Variants in CHI3L2 observed in about 807,000 individuals in gnomAD.
CHI3L2 encodes chitinase 3 like 2, also known as chitinase-3-like protein 2.
Under a neutral mutation model 47.3 loss-of-function variants are expected in CHI3L2, and 47 were observed. The ratio of observed to expected loss-of-function variants is 0.99; its 90% CI spans 0.79 to 1.27. CHI3L2 has a LOEUF of 1.27. Among genes scored for constraint, CHI3L2 ranks in the 50% most tolerant of loss-of-function variants. The probability of loss-of-function intolerance (pLI) is 0.00; values close to 1 mark genes in which losing one functional copy is unlikely to be tolerated. For missense variants in CHI3L2, 497 were observed against 462.1 expected (o/e 1.08, Z -0.69); for synonymous variants, 198 against 169.9 (o/e 1.17, Z -1.28).
In CHI3L2 at chr1:111,242,331, C is replaced by G. The variant is rs768426646; in HGVS notation, c.1140C>G (p.Val380=). ...GCAACCAGGGCCCTTACCCTCTTGT[C>G]CAAGCAGTCAAGAGAAGCCTTGGCT... ...KSCNQGPYPL[V]QAVKRSLGSL is the part of the protein sequence containing the mutation. Residue 380 remains valine, a synonymous_variant, in exon 10 of 11, where the codon GTC becomes GTG. Coordinates refer to ENST00000369748, the MANE Select transcript of CHI3L2 (RefSeq NM_004000.3). The G allele has an allele frequency of 1.2e-6, 2 of 1,612,900 alleles. No individual in the cohort carries two copies. The highest frequency in any genetic ancestry group is 1.7e-6 in the Non-Finnish European group (2 of 1,179,440).
In CHI3L2 at chr1:111,229,852, G is replaced by T; in HGVS notation, c.41G>T (p.Gly14Val). 1.2e-6 allele frequency: 2 copies of T among 1,613,918 alleles called. No individual in the cohort carries two copies. The highest frequency in any genetic ancestry group is 2.2e-5 in the East Asian group (1 of 44,870). The part of the protein sequence containing the change: ...TTMDQKSLWA[G>V]VVVLLLLQGG... ...TTCTCTTTCCACCCATCTATTGCAG[G>T]TGTAGTGGTCTTGCTGCTTCTCCAG... is the stretch of plus-strand genomic sequence containing the variant. Residue 14 changes from glycine to valine, a missense_variant and splice_region_variant, in exon 2 of 11, where the codon GGT (glycine) becomes GTT (valine). Transcript: ENST00000369748.
In CHI3L2 at chr1:111,230,754, A is replaced by C. The variant is rs771989912; in HGVS notation, c.83A>C (p.Lys28Thr). 1 of 1,613,980 alleles carries C rather than the reference A, an allele frequency of 6.2e-7. No individual in the cohort carries two copies. The highest frequency in any genetic ancestry group is 1.3e-5 in the African/African-American group (1 of 74,892). The change falls in exon 3 of 11, where the codon AAA becomes ACA. Residue 28 changes from lysine to threonine, a missense_variant. Physicochemically the swap from Lys to Thr is moderately conservative, Grantham distance 78. Transcript: ENST00000369748. Reference protein sequence around the residue: ...LLLLQGGSAYKLVCYFTNWSQ... With the variant: ...LLLLQGGSAYTLVCYFTNWSQ... ...CACTCTACTCCAGGATCTGCCTACA[A>C]ACTGGTTTGCTACTTTACCAACTGG...
intron 8 of CHI3L2, 67 bp downstream of exon 8, chr1:111,238,999 G>T: frequency 6.9e-7 from 1 of 1,446,386 alleles, no homozygotes; most frequent in South Asian, 1.4e-5. Context: ...TCTTCAATTT[G>T]ACAGCAGAGT....
chr1:111,235,367 C>A (rs559211495), intron 5 of CHI3L2, among the ~76,000 whole-genome samples: 1 of 152,204 alleles, frequency 6.6e-6, no homozygotes, highest in East Asian at 1.9e-4. Context: ...ACTGAGGTGG[C>A]CTCACAGAAG....
intron 5 of CHI3L2, 131 bp from the exon 6 acceptor site, chr1:111,235,508 T>G: frequency 9.7e-7 from 1 of 1,025,888 alleles, no homozygotes; most frequent in South Asian, 1.6e-5. Context: ...CATCCCCATG[T>G]GGGGTGGGGA....
In CHI3L2 at chr1:111,241,390, G is replaced by C; in HGVS notation, c.982G>C (p.Val328Leu). 1 of 1,610,714 alleles carries C rather than the reference G, an allele frequency of 6.2e-7. No homozygotes were observed. The highest frequency in any genetic ancestry group is 8.5e-7 in the Non-Finnish European group (1 of 1,176,832). The change falls in exon 9 of 11, where the codon GTC becomes CTC. Residue 328 changes from valine (V) to leucine (L), a missense_variant. Transcript: ENST00000369748. Reference protein sequence around the residue: ...RLQDQQVPYAVKGNQWVGYDD... With the variant: ...RLQDQQVPYALKGNQWVGYDD... ...CCAGGATCAGCAGGTTCCCTACGCAGTCAAGGGGAACCAGTGGGTGGGCTA... is the reference window on the plus strand; with the variant it reads ...CCAGGATCAGCAGGTTCCCTACGCACTCAAGGGGAACCAGTGGGTGGGCTA...
intron 10 of CHI3L2, 87 bp downstream of exon 10, chr1:111,242,453 T>C: frequency 7.1e-7 from 1 of 1,404,788 alleles, no homozygotes; most frequent in Non-Finnish European, 9.6e-7. Context: ...TTCACATATT[T>C]GGACTAATCC....
At position 111,235,055 on chromosome 1, in the gene CHI3L2, C is replaced by T. The variant is rs183515846; in HGVS notation, c.478C>T (p.His160Tyr). Residue 160 changes from histidine to tyrosine, a missense_variant and splice_region_variant, in exon 5 of 11, where the codon CAT becomes TAT. Transcript: ENST00000369748. ...KENTHFTVLI[H>Y]ELAEAFQKDF... ...AAACACTCATTTCACTGTGCTGATTCATGTAAGTCATGAATCAAGTAATTC... is the reference window on the plus strand; with the variant it reads ...AAACACTCATTTCACTGTGCTGATTTATGTAAGTCATGAATCAAGTAATTC... The T allele has an allele frequency of 6.2e-7, 1 of 1,613,520 alleles. No individual in the cohort carries two copies. The highest frequency in any genetic ancestry group is 1.7e-5 in the Admixed American group (1 of 60,022).
Position 111,229,849 on chromosome 1 carries a change from C to T in CHI3L2, c.41-3C>T, listed in dbSNP as rs1659659197. 1.2e-6 allele frequency: 2 copies of T among 1,613,956 alleles called. No individual in the cohort carries two copies. Among genetic ancestry groups the T allele is most frequent in the Admixed American group, 3.3e-5 (2 of 60,016 alleles). On this transcript the variant is annotated splice_region_variant and splice_polypyrimidine_tract_variant and intron_variant, in intron 1 of 10. Coordinates refer to ENST00000369748, the MANE Select transcript of CHI3L2 (RefSeq NM_004000.3). Reference sequence around the variant, plus strand: ...GATTTCTCTTTCCACCCATCTATTGCAGGTGTAGTGGTCTTGCTGCTTCTC... The same window carrying T: ...GATTTCTCTTTCCACCCATCTATTGTAGGTGTAGTGGTCTTGCTGCTTCTC...
chr1:111,230,983 A>G (rs372092131), intron 3 of CHI3L2, 40 bp downstream of exon 3: 2 of 1,522,544 alleles, frequency 1.3e-6, no homozygotes, highest in Admixed American at 1.7e-5. Flanking sequence ...CATGGATTTT[A>G]GAGGAGGGAA....
At chr1:111,232,891 C>T (rs977339672) in intron 4 of CHI3L2, among the ~76,000 whole-genome samples, 1 of 152,120 alleles carries the variant, frequency 6.6e-6, no homozygotes, top group African/African-American at 2.4e-5. Flanking sequence ...CTATTTCCAC[C>T]GTAGTTTTCT....
At chr1:111,239,084 T>C in intron 8 of CHI3L2, 152 bp downstream of exon 8, 1 of 741,168 alleles carries the variant, frequency 1.3e-6, no homozygotes, top group Non-Finnish European at 2.0e-6. Context: ...TAACTCTGGG[T>C]TGGGAGAGGG....
At chr1:111,242,772 G>T (rs3934922) in intron 10 of CHI3L2, 103,143 of 164,418 alleles carry the variant, frequency 0.63, 33,138 homozygotes, top group South Asian at 0.74. Context: ...CATTACCTGA[G>T]GCTCTTTTCC....
At position 111,238,811 on chromosome 1, in the gene CHI3L2, T is replaced by A; in HGVS notation, c.797T>A (p.Ile266Asn). Reference protein sequence around the residue: ...GMPSEKVVMGIPTYGHSFTLA... With the variant: ...GMPSEKVVMGNPTYGHSFTLA... ...CCATCAGAGAAGGTGGTCATGGGCA[T>A]CCCCACATATGGGCACTCCTTCACA... The change falls in exon 8 of 11, where the codon ATC (isoleucine) becomes AAC (asparagine). Residue 266 changes from isoleucine (I) to asparagine (N), a missense_variant. Coordinates refer to ENST00000369748, the MANE Select transcript of CHI3L2 (RefSeq NM_004000.3). 1 of 1,614,072 alleles carries A rather than the reference T, an allele frequency of 6.2e-7. No homozygotes were observed. Among genetic ancestry groups the A allele is most frequent in the East Asian group, 2.2e-5 (1 of 44,884 alleles).
intron 8 of CHI3L2, 72 bp from the exon 9 acceptor site, chr1:111,241,255 T>A (rs1365900551): frequency 1.2e-6 from 1 of 839,584 alleles, no homozygotes; most frequent in Non-Finnish European, 2.1e-6. Flanking sequence ...GTGGCTCACC[T>A]GCCCTGTCTA....
chr1:111,233,055 C>A (rs1659772716), intron 4 of CHI3L2, among the ~76,000 whole-genome samples: 1 of 152,172 alleles, frequency 6.6e-6, no homozygotes, highest in Non-Finnish European at 1.5e-5. Flanking sequence ...AAAAGTGACA[C>A]AACTTAAAGG....
Position 111,230,958 on chromosome 1 carries a change from G to C in CHI3L2, c.272+15G>C. 6.2e-7 allele frequency: 1 copy of C among 1,605,884 alleles called. No homozygotes were observed. The highest frequency in any genetic ancestry group is 8.5e-7 in the Non-Finnish European group (1 of 1,172,874). The stretch of plus-strand genomic sequence containing the variant: ...CTCAAAACCAAGTGAGTAAGATGGG[G>C]GTGGAAGCATCCTGCATGGATTTTA... On this transcript the variant is annotated intron_variant, in intron 3 of 10. Coordinates refer to ENST00000369748, the MANE Select transcript of CHI3L2 (RefSeq NM_004000.3).
At position 111,235,749 on chromosome 1, in the gene CHI3L2, TGAGA is replaced by T; in HGVS notation, c.592_595del (p.Glu198AsnfsTer32). On this transcript the variant is annotated frameshift_variant, in exon 6 of 11. Transcript: ENST00000369748. LOFTEE classifies it high-confidence loss of function. ...AAATGATTGATAACAGCTATCAAGT[TGAGA>T]AACTGGCAAAGTGAGTACATCAGAG... The T allele has an allele frequency of 6.2e-7, 1 of 1,613,842 alleles. No individual in the cohort carries two copies. The highest frequency in any genetic ancestry group is 8.5e-7 in the Non-Finnish European group (1 of 1,179,852).
chr1:111,241,374 G>A lies in CHI3L2; in HGVS notation c.966G>A (p.Gln322=), dbSNP rs2494007. ...KGAKITRLQD[Q]QVPYAVKGNQ... ...CCAAGATCACGCGGCTCCAGGATCAGCAGGTTCCCTACGCAGTCAAGGGGA... is the reference window on the plus strand; with the variant it reads ...CCAAGATCACGCGGCTCCAGGATCAACAGGTTCCCTACGCAGTCAAGGGGA... The change falls in exon 9 of 11, where the codon CAG becomes CAA. Residue 322 remains glutamine (Q), a synonymous_variant. Transcript: ENST00000369748. 172 of 1,609,606 alleles carry A rather than the reference G, an allele frequency of 1.1e-4. No homozygotes were observed. The African/African-American group carries it at 2.1e-3, about 19-fold the overall frequency.
Sources: gnomAD v4.1 joint callset for allele counts (sites outside exome capture counted in the v4.1 genomes callset) on GRCh38, gnomAD v4.1.1 for gene constraint, MANE v1.5 for transcripts, NCBI Gene and HGNC (gene_info 2026-07-23, HGNC 2026-07-21) for gene names.